Variants in ADGRF5 observed in about 807,000 individuals in gnomAD.
ADGRF5 encodes the protein adhesion G protein-coupled receptor F5, also known as G-protein coupled receptor 116.
ADGRF5 carries 75 observed loss-of-function variants against 132.3 expected under a neutral mutation model. The observed-to-expected ratio is 0.57, with a 90% confidence interval of 0.47 to 0.69. The LOEUF is 0.69. ADGRF5 is among the 30% of genes least tolerant of loss of function. The pLI, the probability that ADGRF5 is intolerant of heterozygous loss-of-function variation, is 0.00. For synonymous variants in ADGRF5, 629 were observed against 597.6 expected, an observed-to-expected ratio of 1.05 and a Z score of -0.77; for missense variants, 1,516 against 1,630.6, an observed-to-expected ratio of 0.93 and a Z score of 1.21.
At chr6:46,952,933 A>T (rs573609819) in intron 1 of ADGRF5, among the ~76,000 whole-genome samples, 27 of 152,334 alleles carry the variant, frequency 1.8e-4, no homozygotes, top group African/African-American at 6.5e-4. Context: ...ATGAAGGTGT[A>T]CAAACCAGGC....
rs139324539 is a variant in ADGRF5 at position 46,870,981 on chromosome 6, A to G, written c.1411+862T>C. 2.0e-3 allele frequency: 328 copies of G among 160,898 alleles called. 11 individuals are homozygous for G. The East Asian group carries it at 0.046, about 23-fold the overall frequency. 10.0% of individuals were successfully genotyped at this position (160,898 alleles called of 1,614,324 possible). ...GTAGATATATGATTATTATATAGCT[A>G]TATATTATATATTATAGATATATAT... On this transcript the variant is annotated intron_variant, in intron 11 of 20. Coordinates refer to ENST00000283296, the MANE Select transcript of ADGRF5 (RefSeq NM_001098518.2).
intron 13 of ADGRF5, among the ~76,000 whole-genome samples, chr6:46,865,524 G>A (rs1285878225): frequency 6.6e-6 from 1 of 152,092 alleles, no homozygotes; most frequent in Non-Finnish European, 1.5e-5. Flanking sequence ...TTACCATATT[G>A]GTATATAGTC....
Position 46,859,262 on chromosome 6 carries a change from C to T in ADGRF5, c.2641G>A (p.Val881Met), listed in dbSNP as rs1298836894. 6.2e-7 allele frequency: 1 copy of T among 1,614,112 alleles called. No homozygotes were observed. Among genetic ancestry groups the T allele is most frequent in the Non-Finnish European group, 8.5e-7 (1 of 1,180,016 alleles). ...VFPYFDLWGN[V>M]VIDKSYLENL... ...TCTAGATAGCTCTTGTCAATGACCACATTGCCCCAGAGGTCAAAGTATGGG... is the reference window on the plus strand; with the variant it reads ...TCTAGATAGCTCTTGTCAATGACCATATTGCCCCAGAGGTCAAAGTATGGG... The change falls in exon 17 of 21, where the codon GTG (valine) becomes ATG (methionine). Residue 881 changes from valine (V) to methionine (M), a missense_variant. Around this residue, in one of 2 missense-constraint regions of ADGRF5, gnomAD observed 571 missense variants for 701.2 expected, o/e 0.81. Coordinates refer to ENST00000283296, the MANE Select transcript of ADGRF5 (RefSeq NM_001098518.2).
chr6:46,927,218 A>C (rs1777295373), intron 1 of ADGRF5, among the ~76,000 whole-genome samples: 1 of 151,858 alleles, frequency 6.6e-6, no homozygotes. Context: ...CATAATGCCA[A>C]AACCACTAGA....
intron 12 of ADGRF5, 54 bp from the exon 13 acceptor site, chr6:46,867,191 G>A (rs967572455): frequency 2.9e-6 from 3 of 1,046,890 alleles, no homozygotes; most frequent in East Asian, 2.4e-5. Context: ...CCCTTCAAAA[G>A]CATCTGCTGG....
chr6:46,881,501 A>C lies in ADGRF5; in HGVS notation c.768T>G (p.Asn256Lys). 1 of 1,613,478 alleles carries C rather than the reference A, an allele frequency of 6.2e-7. No individual in the cohort carries two copies. Among genetic ancestry groups the C allele is most frequent in the Non-Finnish European group, 8.5e-7 (1 of 1,179,408 alleles). Residue 256 changes from asparagine (N) to lysine (K), a missense_variant, in exon 8 of 21, where the codon AAT becomes AAG. Coordinates refer to ENST00000283296, the MANE Select transcript of ADGRF5 (RefSeq NM_001098518.2). The part of the protein sequence containing the change: ...KANEQVVQSL[N>K]QTYKMDYNSF... ...AGTTGTAGTCCATTTTGTAGGTCTGATTGAGGCTCTGTACAACTTGTTCAT... is the reference window on the plus strand; with the variant it reads ...AGTTGTAGTCCATTTTGTAGGTCTGCTTGAGGCTCTGTACAACTTGTTCAT...
At chr6:46,877,542 A>G (rs1453248124) in intron 10 of ADGRF5, among the ~76,000 whole-genome samples, 1 of 151,994 alleles carries the variant, frequency 6.6e-6, no homozygotes, top group Admixed American at 6.6e-5. Context: ...ATAAACTGTT[A>G]TACAAAACAG....
At chr6:46,905,647 T>C (rs549051886) in intron 2 of ADGRF5, among the ~76,000 whole-genome samples, 75 of 151,360 alleles carry the variant, frequency 5.0e-4, no homozygotes, top group African/African-American at 1.6e-3. Flanking sequence ...GAAATGACAA[T>C]TGGAATAGTA....
intron 2 of ADGRF5, among the ~76,000 whole-genome samples, chr6:46,906,169 G>A (rs534683021): frequency 5.3e-5 from 8 of 152,320 alleles, no homozygotes; most frequent in African/African-American, 1.9e-4. Flanking sequence ...CTTCTATGAT[G>A]TCTATGGTCC....
intron 10 of ADGRF5, among the ~76,000 whole-genome samples, chr6:46,873,746 C>T (rs547399229): frequency 3.9e-5 from 6 of 152,274 alleles, no homozygotes; most frequent in Admixed American, 6.5e-5. Context: ...CTGACATCTT[C>T]GGTACCTTCA....
At chr6:46,946,501 A>T (rs531783507) in intron 1 of ADGRF5, among the ~76,000 whole-genome samples, 2 of 152,302 alleles carry the variant, frequency 1.3e-5, no homozygotes, top group African/African-American at 4.8e-5. Flanking sequence ...ATGGAAGTGC[A>T]GCTGAGGAAA....
chr6:46,869,309 A>G (rs1770797504), intron 11 of ADGRF5: 1 of 1,403,248 alleles, frequency 7.1e-7, no homozygotes, highest in Non-Finnish European at 9.2e-7. Context: ...CACTGTACTC[A>G]TTTCCATCAC....
chr6:46,943,688 G>A (rs1778185755), intron 1 of ADGRF5, among the ~76,000 whole-genome samples: 1 of 152,060 alleles, frequency 6.6e-6, no homozygotes, highest in African/African-American at 2.4e-5. Context: ...TGCCAAACCT[G>A]GTTTAAAATC....
chr6:46,927,449 G>C (rs1416278270), intron 1 of ADGRF5, among the ~76,000 whole-genome samples: 1 of 152,028 alleles, frequency 6.6e-6, no homozygotes, highest in Non-Finnish European at 1.5e-5. Context: ...ATCCCGTGCT[G>C]TTACCTTATG....
At chr6:46,873,875 G>T (rs1771354697) in intron 10 of ADGRF5, among the ~76,000 whole-genome samples, 1 of 152,032 alleles carries the variant, frequency 6.6e-6, no homozygotes, top group Non-Finnish European at 1.5e-5. Context: ...TAAATTACTT[G>T]CATGCACTCA....
rs760608607 is a variant in ADGRF5, at chr6:46,858,140, T to C, written c.3763A>G (p.Asn1255Asp). ...ACTGTAAAACTCACCTGGAAGACAT[T>C]GAGGATGGCAAATATGATATGGAAC... ...LVFHIIFAIL[N>D]VFQGLFILLF... Residue 1255 changes from asparagine (N) to aspartate (D), a missense_variant, in exon 17 of 21, where the codon AAT becomes GAT. Physicochemically the swap from Asn to Asp is conservative, Grantham distance 23. This residue lies in a region of ADGRF5 where 571 missense variants were observed against 701.2 expected (regional missense o/e 0.81). Transcript: ENST00000283296. 6.2e-7 allele frequency: 1 copy of C among 1,610,452 alleles called. No individual in the cohort carries two copies.
intron 1 of ADGRF5, among the ~76,000 whole-genome samples, chr6:46,944,682 T>C (rs979277756): frequency 3.3e-5 from 5 of 152,230 alleles, no homozygotes; most frequent in Non-Finnish European, 7.3e-5. Flanking sequence ...GGTTCTCTTA[T>C]ACTAATATAT....
In ADGRF5 at chr6:46,858,540, T is replaced by C. The variant is rs187141120; in HGVS notation, c.3363A>G (p.Glu1121=). 8 of 1,613,826 alleles carry C rather than the reference T, an allele frequency of 5.0e-6. No individual in the cohort carries two copies. The African/African-American group carries it at 1.1e-4, about 22-fold the overall frequency. ...TGGCTTTCTGAGTGGACCTGCTTGT[T>C]TCATGCAGAATGAAAACCAGGCGAT... The part of the protein sequence containing the change: ...LFYRLVFILH[E]TSRSTQKAIA... The change falls in exon 17 of 21, where the codon GAA becomes GAG. Residue 1121 remains glutamate, a synonymous_variant. Transcript: ENST00000283296.
chr6:46,934,575 G>A (rs949221149), intron 1 of ADGRF5, among the ~76,000 whole-genome samples: 3 of 152,058 alleles, frequency 2.0e-5, no homozygotes, highest in African/African-American at 7.3e-5. Context: ...ACTCTATAAG[G>A]TCCCATATAA....
Sources: gnomAD v4.1 joint callset for allele counts (sites outside exome capture counted in the v4.1 genomes callset) on GRCh38, gnomAD v4.1.1 for gene constraint, gnomAD v4.1.1 regional missense constraint, MANE v1.5 for transcripts, NCBI Gene and HGNC (gene_info 2026-07-23, HGNC 2026-07-21) for gene names.